The following NPAT variants were observed in gnomAD, a reference collection of about 807,000 sequenced individuals.
The protein encoded by NPAT is protein NPAT.
In NPAT, 52 loss-of-function variants were observed where a neutral mutation model predicts 130.7. The ratio of observed to expected loss-of-function variants is 0.40; its 90% CI spans 0.32 to 0.50. The LOEUF (loss-of-function observed/expected upper bound fraction) is 0.50. NPAT is among the 20% of genes least tolerant of loss of function. The probability of loss-of-function intolerance (pLI) is 0.68; values close to 1 mark genes in which losing one functional copy is unlikely to be tolerated. For missense variants in NPAT, 1,687 were observed against 1,662.6 expected (o/e 1.01, Z -0.26); for synonymous variants, 580 against 584.8 (o/e 0.99, Z 0.12).
At chr11:108,198,433 G>A (rs1048287198) in intron 1 of NPAT, among the ~76,000 whole-genome samples, 3 of 152,130 alleles carry the variant, frequency 2.0e-5, no homozygotes, top group Admixed American at 6.5e-5. Context: ...AGAAAATTAT[G>A]AGAATAATCT....
chr11:108,219,373 A>T (rs1007256224), intron 1 of NPAT, among the ~76,000 whole-genome samples: 12 of 152,030 alleles, frequency 7.9e-5, no homozygotes, highest in Admixed American at 7.9e-4. Flanking sequence ...GTTGCTAACC[A>T]CTGAGATGCC....
At position 108,177,000 on chromosome 11, in the gene NPAT, C is replaced by A; in HGVS notation, c.997G>T (p.Asp333Tyr). The change falls in exon 11 of 18, where the codon GAC becomes TAC. Residue 333 changes from aspartate to tyrosine, a missense_variant. Asp to Tyr is a radical substitution (Grantham distance 160). Around this residue, in one of 3 missense-constraint regions of NPAT, gnomAD observed 1,379 missense variants for 1,346.6 expected, o/e 1.02. Coordinates refer to ENST00000278612, the MANE Select transcript of NPAT (RefSeq NM_002519.3). Reference protein sequence around the residue: ...PAFQALFDLFDYGKTKNNKNI... With the variant: ...PAFQALFDLFYYGKTKNNKNI... ...AAATAAATAGTCTCCTTACCATAGT[C>A]AAAGAGATCAAAGAGTGCCTGAAAT... 6.3e-7 allele frequency: 1 copy of A among 1,599,400 alleles called. No individual in the cohort carries two copies. The highest frequency in any genetic ancestry group is 1.1e-5 in the South Asian group (1 of 90,766).
chr11:108,167,006 G>A (rs2077907920), intron 15 of NPAT, among the ~76,000 whole-genome samples: 1 of 151,858 alleles, frequency 6.6e-6, no homozygotes, highest in African/African-American at 2.4e-5. Context: ...TCATTTTTGT[G>A]GTCATTATAA....
Position 108,174,520 on chromosome 11 carries a change from A to G in NPAT, c.1133-669T>C, listed in dbSNP as rs1027534865. ...CTGTAACAGCATAGGAACAAAAGGT[A>G]CCATGAGAAAAAATTATAAAGGAGG... On this transcript the variant is annotated intron_variant, in intron 12 of 17. Transcript: ENST00000278612. Among the ~76,000 whole-genome samples, 8 of 151,474 alleles carry G rather than the reference A, an allele frequency of 5.3e-5. No individual in the cohort carries two copies. The East Asian group carries it at 9.7e-4, about 18-fold the overall frequency.
chr11:108,197,788 T>C (rs1054149376), intron 1 of NPAT, among the ~76,000 whole-genome samples: 2 of 152,256 alleles, frequency 1.3e-5, no homozygotes, highest in African/African-American at 2.4e-5. Flanking sequence ...CTTACTGCGT[T>C]ATCAGAAAAC....
At chr11:108,168,735 A>G (rs1207391092) in intron 15 of NPAT, among the ~76,000 whole-genome samples, 1 of 152,206 alleles carries the variant, frequency 6.6e-6, no homozygotes, top group Admixed American at 6.5e-5. Context: ...GATTGAGGGT[A>G]AGAGTTGGGT....
Position 108,173,822 on chromosome 11 carries a change from T to C in NPAT, c.1162A>G (p.Thr388Ala), listed in dbSNP as rs1291889244. ...AATGGGTCATCATTCTGATAGGATG[T>C]ACAAAAAGCGGGCTGACCAGACTGA... is the stretch of plus-strand genomic sequence containing the variant. The part of the protein sequence containing the change: ...DGQSGQPAFC[T>A]SYQNDDPLNA... Residue 388 changes from threonine (T) to alanine (A), a missense_variant, in exon 13 of 18, where the codon ACA (threonine) becomes GCA (alanine). By Grantham distance (58) the Thr-to-Ala change is moderately conservative. Coordinates refer to ENST00000278612, the MANE Select transcript of NPAT (RefSeq NM_002519.3). 6.2e-7 allele frequency: 1 copy of C among 1,614,142 alleles called. No individual in the cohort carries two copies. The highest frequency in any genetic ancestry group is 1.7e-5 in the Admixed American group (1 of 60,026).
At chr11:108,160,508 T>C (rs1353486445) in intron 17 of NPAT, among the ~76,000 whole-genome samples, 1 of 152,218 alleles carries the variant, frequency 6.6e-6, no homozygotes. Context: ...CAATCTTTCA[T>C]GACTATGTCA....
intron 3 of NPAT, among the ~76,000 whole-genome samples, chr11:108,193,616 T>C (rs576102141): frequency 1.3e-5 from 2 of 152,218 alleles, no homozygotes; most frequent in South Asian, 2.1e-4. Context: ...TCTCAGCTAC[T>C]TGGGAGGCTG....
intron 15 of NPAT, among the ~76,000 whole-genome samples, chr11:108,168,492 AGTT>A (rs1333039882): frequency 1.3e-5 from 2 of 152,308 alleles, no homozygotes; most frequent in East Asian, 3.9e-4. Context: ...TATACTGTTT[AGTT>A]TAAGGAAAGG....
chr11:108,196,854 T>A (rs1591407965), intron 2 of NPAT, among the ~76,000 whole-genome samples: 1 of 152,242 alleles, frequency 6.6e-6, no homozygotes, highest in Non-Finnish European at 1.5e-5. Context: ...ATGATTAAAA[T>A]AAAATGGCAA....
chr11:108,193,465 C>A (rs1456822872), intron 3 of NPAT, among the ~76,000 whole-genome samples: 2 of 152,170 alleles, frequency 1.3e-5, no homozygotes, highest in Non-Finnish European at 2.9e-5. Context: ...GTGGCTCACA[C>A]CTGTAATCCC....
chr11:108,195,601 T>A (rs1444339124), intron 2 of NPAT, among the ~76,000 whole-genome samples: 1 of 151,874 alleles, frequency 6.6e-6, no homozygotes, highest in East Asian at 1.9e-4. Context: ...AAACCCTTTA[T>A]CAGACATGTA....
chr11:108,173,560 A>T lies in NPAT; in HGVS notation c.1424T>A (p.Met475Lys), dbSNP rs1305087449. 6.2e-7 allele frequency: 1 copy of T among 1,614,234 alleles called. No homozygotes were observed. Among genetic ancestry groups the T allele is most frequent in the East Asian group, 2.2e-5 (1 of 44,880 alleles). ...PHCAELYTNQ[M>K]STETEMAIGI... ...TATAGCCATTTCAGTTTCAGTGGAC[A>T]TCTGATTGGTGTATAATTCAGCACA... The change falls in exon 13 of 18, where the codon ATG becomes AAG. Residue 475 changes from methionine to lysine, a missense_variant. Physicochemically the swap from Met to Lys is moderately conservative, Grantham distance 95. This residue lies in a region of NPAT where 1,379 missense variants were observed against 1,346.6 expected (regional missense o/e 1.02). Coordinates refer to ENST00000278612, the MANE Select transcript of NPAT (RefSeq NM_002519.3).
chr11:108,219,732 AAACAAC>A lies in NPAT; in HGVS notation c.37+2762_37+2767del, dbSNP rs145766814. The stretch of plus-strand genomic sequence containing the variant: ...CACTACTGATCTGTACATTAAAAAC[AAACAAC>A]AACAACAACAACAACAACAACAAAC... On this transcript the variant is annotated intron_variant, in intron 1 of 17. Transcript: ENST00000278612. 2.3e-3 allele frequency among the ~76,000 whole-genome samples: 346 copies of A among 151,352 alleles called. 1 individual carries two copies. Among genetic ancestry groups the A allele is most frequent in the Middle Eastern group, 0.014 (4 of 294 alleles).
Position 108,176,471 on chromosome 11 carries a change from C to T in NPAT, c.1004-97G>A, listed in dbSNP as rs772969296. The T allele has an allele frequency of 1.0e-4, 92 of 920,590 alleles. No homozygotes were observed. The Middle Eastern group carries it at 1.3e-3, about 13-fold the overall frequency. The allele number at this position is 920,590 out of a possible 1,614,324, so 57.0% of individuals were successfully genotyped here. On this transcript the variant is annotated intron_variant, in intron 11 of 17. Transcript: ENST00000278612. ...TGGTGATTACGCAAATGTTAAACTT[C>T]GATTTAGGGTTTTATGGATGTTTAA...
chr11:108,173,879 T>A (rs1332577331), intron 12 of NPAT, 28 bp from the exon 13 acceptor site: 1 of 1,586,566 alleles, frequency 6.3e-7, no homozygotes, highest in East Asian at 2.2e-5. Context: ...GGTAGACAGA[T>A]ATGGTAAATA....
intron 8 of NPAT, among the ~76,000 whole-genome samples, chr11:108,186,085 T>C (rs1271570694): frequency 6.6e-6 from 1 of 151,972 alleles, no homozygotes; most frequent in African/African-American, 2.4e-5. Context: ...GGTATGATCA[T>C]GGCTCACTGC....
chr11:108,170,000 T>C lies in NPAT; in HGVS notation c.2829A>G (p.Gln943=). The C allele has an allele frequency of 6.2e-7, 1 of 1,613,950 alleles. No homozygotes were observed. Among genetic ancestry groups the C allele is most frequent in the African/African-American group, 1.3e-5 (1 of 75,048 alleles). The change falls in exon 14 of 18, where the codon CAA becomes CAG. Residue 943 remains glutamine (Q), a synonymous_variant. Coordinates refer to ENST00000278612, the MANE Select transcript of NPAT (RefSeq NM_002519.3). ...IIASPVQPVL[Q]GMVGMIPVSV... ...ATACTGGGATCATCCCTACCATTCC[T>C]TGGAGTACAGGCTGGACTGGAGAGG...
Sources: gnomAD v4.1 joint callset for allele counts (sites outside exome capture counted in the v4.1 genomes callset) on GRCh38, gnomAD v4.1.1 for gene constraint, gnomAD v4.1.1 regional missense constraint, MANE v1.5 for transcripts, NCBI Gene and HGNC (gene_info 2026-07-23, HGNC 2026-07-21) for gene names.